The following VPS53 variants were observed in gnomAD, a reference collection of about 807,000 sequenced individuals.
The protein encoded by VPS53 is VPS53 subunit of GARP complex.
A neutral mutation model predicts 107.0 loss-of-function variants in VPS53; 70 were observed. That is an observed-to-expected ratio of 0.65 (90% confidence interval 0.54 to 0.80). The LOEUF is 0.80. VPS53 is among the 30% of genes least tolerant of loss of function. VPS53 has a pLI of 0.00. For synonymous variants in VPS53, 409 were observed against 393.3 expected (o/e 1.04, Z -0.47); for missense variants, 917 against 1,049.4 (o/e 0.87, Z 1.74).
intron 12 of VPS53, among the ~76,000 whole-genome samples, chr17:598,526 T>G (rs1216962666): frequency 4.1e-5 from 6 of 147,328 alleles, no homozygotes; most frequent in Non-Finnish European, 6.0e-5. Context: ...GAGCACCTCT[T>G]CCCGGCCGCC....
At chr17:659,714 T>C (rs1971368860) in intron 5 of VPS53, among the ~76,000 whole-genome samples, 3 of 152,042 alleles carry the variant, frequency 2.0e-5, no homozygotes, top group Non-Finnish European at 2.9e-5. Flanking sequence ...TCCTAAATAT[T>C]CTCCCTCTGC....
In VPS53 at chr17:690,878, T is replaced by C. The variant is rs182352320; in HGVS notation, c.285+6540A>G. ...AGACTCCTTAGAAAATCTAGAAAAA[T>C]CAATAAGTTTTCCTCCCATAAATAT... On this transcript the variant is annotated intron_variant, in intron 4 of 21. Coordinates refer to ENST00000437048, the MANE Select transcript of VPS53 (RefSeq NM_001128159.3). Among the ~76,000 whole-genome samples, 229 of 152,128 alleles carry C rather than the reference T, an allele frequency of 1.5e-3. 1 individual carries two copies. Among genetic ancestry groups the C allele is most frequent in the African/African-American group, 5.3e-3 (221 of 41,494 alleles).
intron 4 of VPS53, among the ~76,000 whole-genome samples, chr17:685,499 T>C (rs946190973): frequency 1.3e-5 from 2 of 152,162 alleles, no homozygotes; most frequent in East Asian, 3.8e-4. Context: ...TAGTATAAAA[T>C]AGGCTCGGTG....
At chr17:679,955 C>A (rs1373833002) in intron 4 of VPS53, among the ~76,000 whole-genome samples, 2 of 152,128 alleles carry the variant, frequency 1.3e-5, no homozygotes, top group African/African-American at 2.4e-5. Context: ...CGAGACCAGC[C>A]TGGCCAACAT....
At chr17:553,517 C>T in intron 15 of VPS53, 55 bp from the exon 16 acceptor site, 1 of 1,303,096 alleles carries the variant, frequency 7.7e-7, no homozygotes. Context: ...AAAGAAGTAC[C>T]ATCACAATAA....
intron 4 of VPS53, among the ~76,000 whole-genome samples, chr17:665,137 G>C (rs939111443): frequency 1.3e-5 from 2 of 152,170 alleles, no homozygotes; most frequent in Non-Finnish European, 2.9e-5. Flanking sequence ...TTGCCCTCAC[G>C]AACAAATGAA....
chr17:626,627 T>C (rs1161217798), intron 10 of VPS53, among the ~76,000 whole-genome samples: 1 of 152,204 alleles, frequency 6.6e-6, no homozygotes, highest in African/African-American at 2.4e-5. Context: ...TGAGCTGGGA[T>C]TGTATCACTG....
intron 13 of VPS53, among the ~76,000 whole-genome samples, chr17:565,620 A>C (rs1205885193): frequency 6.6e-6 from 1 of 151,518 alleles, no homozygotes; most frequent in Non-Finnish European, 1.5e-5. Flanking sequence ...TTCCCACTGA[A>C]TCTCCCACCT....
chr17:672,660 T>G (rs1280052207), intron 4 of VPS53, among the ~76,000 whole-genome samples: 1 of 152,182 alleles, frequency 6.6e-6, no homozygotes, highest in East Asian at 1.9e-4. Context: ...AAAATTGAAG[T>G]CTTTTGTTCA....
chr17:702,921 G>A (rs530198870), intron 2 of VPS53, among the ~76,000 whole-genome samples: 13 of 151,198 alleles, frequency 8.6e-5, no homozygotes, highest in Non-Finnish European at 3.0e-5. Context: ...CTATGGAGGC[G>A]GAGGCCGGGC....
intron 7 of VPS53, among the ~76,000 whole-genome samples, chr17:636,653 T>C (rs1970209221): frequency 6.6e-6 from 1 of 152,248 alleles, no homozygotes; most frequent in African/African-American, 2.4e-5. Flanking sequence ...TCAAAGGCCT[T>C]TTCTGCATCT....
rs779089759 is a variant in VPS53 at position 551,997 on chromosome 17, G to A, written c.1788-47C>T. On this transcript the variant is annotated intron_variant, in intron 16 of 21. Coordinates refer to ENST00000437048, the MANE Select transcript of VPS53 (RefSeq NM_001128159.3). Reference sequence around the variant, plus strand: ...GTGGTCACCCTTTCAAACAACGGCCGTCTGAATGACTGACACTCAGGCCCC... The same window carrying A: ...GTGGTCACCCTTTCAAACAACGGCCATCTGAATGACTGACACTCAGGCCCC... 2.3e-5 allele frequency: 34 copies of A among 1,502,752 alleles called. No homozygotes were observed. The East Asian group carries it at 3.5e-4, about 15-fold the overall frequency. The allele number at this position is 1,502,752 out of a possible 1,614,324, so 93.1% of individuals were successfully genotyped here.
intron 13 of VPS53, among the ~76,000 whole-genome samples, chr17:569,762 T>C (rs1378954770): frequency 6.6e-6 from 1 of 151,110 alleles, no homozygotes; most frequent in Admixed American, 6.6e-5. Flanking sequence ...CTACTAAAAA[T>C]ACAAAAAAAT....
chr17:621,143 T>A (rs1969451910), intron 11 of VPS53, among the ~76,000 whole-genome samples: 1 of 152,158 alleles, frequency 6.6e-6, no homozygotes, highest in Admixed American at 6.5e-5. Context: ...CTGTTACCAT[T>A]TCCAGACCTC....
At chr17:629,574 T>C (rs1969853382) in intron 8 of VPS53, among the ~76,000 whole-genome samples, 2 of 151,626 alleles carry the variant, frequency 1.3e-5, no homozygotes, top group African/African-American at 4.9e-5. Flanking sequence ...ATGGCTAACA[T>C]GGTGAAACCC....
chr17:656,700 ATGTGTG>A (rs34123743), intron 5 of VPS53: 198,604 of 548,512 alleles, frequency 0.36, 21,664 homozygotes, highest in Non-Finnish European at 0.42. Context: ...TGACTAAGAA[ATGTGTG>A]TGTGTGTGTG....
chr17:650,084 G>C (rs74251928), intron 7 of VPS53, among the ~76,000 whole-genome samples: 1 of 152,100 alleles, frequency 6.6e-6, no homozygotes, highest in African/African-American at 2.4e-5. Context: ...CAACGTTCAC[G>C]TAACAAGAAT....
rs1014208334 is a variant in VPS53, at chr17:524,996, T to C, written c.2086-3258A>G. Among the ~76,000 whole-genome samples, 2 of 152,230 alleles carry C rather than the reference T, an allele frequency of 1.3e-5. No homozygotes were observed. The highest frequency in any genetic ancestry group is 2.9e-5 in the Non-Finnish European group (2 of 68,036). On this transcript the variant is annotated intron_variant, in intron 19 of 21. Transcript: ENST00000437048. This position sits in a 1 kb window ranked among gnomAD's most constrained non-coding sequence, Gnocchi z 4.5. ...GTAAAAACGTTCCCTGCATCCGCTA[T>C]TTATAAAAGCAAAAGTTTGGAAACA...
chr17:537,385 G>C, intron 17 of VPS53: 1 of 576,116 alleles, frequency 1.7e-6, no homozygotes, highest in Non-Finnish European at 3.0e-6. Flanking sequence ...CGACAGTGAG[G>C]TGTGACCCAG....
Sources: gnomAD v4.1 joint callset for allele counts (sites outside exome capture counted in the v4.1 genomes callset) on GRCh38, gnomAD v4.1.1 for gene constraint, Gnocchi (gnomAD v3.1) non-coding constraint, MANE v1.5 for transcripts, NCBI Gene and HGNC (gene_info 2026-07-23, HGNC 2026-07-21) for gene names.